ATF2: variants seen among roughly 807,000 people sequenced by gnomAD.
ATF2 encodes the protein cyclic AMP-dependent transcription factor ATF-2.
ATF2 carries 24 observed loss-of-function variants against 60.6 expected under a neutral mutation model. The observed-to-expected ratio is 0.40, with a 90% CI of 0.29 to 0.56. The LOEUF (loss-of-function observed/expected upper bound fraction) is 0.56, where lower values mean the gene tolerates loss of function less well. Ranked by LOEUF, ATF2 falls within the 20% of genes least tolerant of loss-of-function variation. The pLI is 0.54. For missense variants in ATF2, 433 were observed against 607.7 expected (o/e 0.71, Z 3.02); for synonymous variants, 206 against 215.4 (o/e 0.96, Z 0.38).
At chr2:175,150,484 A>G (rs1239349797) in intron 2 of ATF2, among the ~76,000 whole-genome samples, 1 of 152,168 alleles carries the variant, frequency 6.6e-6, no homozygotes, top group African/African-American at 2.4e-5. Flanking sequence ...TTATACTCTA[A>G]TATCACCATT....
At chr2:175,154,692 T>C (rs550427084) in intron 1 of ATF2, among the ~76,000 whole-genome samples, 4 of 152,316 alleles carry the variant, frequency 2.6e-5, no homozygotes, top group African/African-American at 9.6e-5. Flanking sequence ...GTGAGTAATG[T>C]GTTATACTAT....
chr2:175,167,862 C>T lies in ATF2; in HGVS notation c.-143+188G>A, dbSNP rs1236674516. The T allele has an allele frequency of 4.8e-5, 19 of 396,562 alleles. No homozygotes were observed. In the Admixed American group the frequency reaches 5.2e-4, roughly 11 times the overall value. 24.6% of individuals were successfully genotyped at this position (396,562 alleles called of 1,614,324 possible). On this transcript the variant is annotated intron_variant, in intron 1 of 13. Coordinates refer to ENST00000264110, the MANE Select transcript of ATF2 (RefSeq NM_001880.4). ...GCCAGTCAGGTTCCCAAAGCCCACA[C>T]CGCGCGGGCCGCCGAGGTGGCAGCA... is the stretch of plus-strand genomic sequence containing the variant.
intron 2 of ATF2, among the ~76,000 whole-genome samples, chr2:175,142,716 A>AGTGTGT (rs1451684943): frequency 1.1e-3 from 130 of 120,814 alleles, no homozygotes; most frequent in East Asian, 5.6e-3. Flanking sequence ...AGAGAGAGAG[A>AGTGTGT]GAGAGTGTGT....
At chr2:175,099,142 C>T (rs540398743) in intron 10 of ATF2, among the ~76,000 whole-genome samples, 3 of 140,080 alleles carry the variant, frequency 2.1e-5, no homozygotes, top group East Asian at 4.1e-4. Context: ...TCTCGCCTGT[C>T]GCCCAGGCTG....
intron 10 of ATF2, among the ~76,000 whole-genome samples, chr2:175,104,813 G>T (rs970100881): frequency 1.4e-5 from 2 of 139,470 alleles, no homozygotes; most frequent in African/African-American, 3.0e-5. Flanking sequence ...GGTATTTTAC[G>T]TTCTACAAGT....
intron 13 of ATF2, among the ~76,000 whole-genome samples, chr2:175,079,555 A>G (rs1174117373): frequency 1.3e-5 from 2 of 152,138 alleles, no homozygotes; most frequent in Admixed American, 1.3e-4. Flanking sequence ...AGCAAGATTT[A>G]TATGCTCAAA....
chr2:175,079,196 A>G (rs2105532154), intron 13 of ATF2, among the ~76,000 whole-genome samples: 1 of 152,316 alleles, frequency 6.6e-6, no homozygotes, highest in East Asian at 1.9e-4. Context: ...TAATAGAGTC[A>G]AAACTGTTGG....
rs368309738 is a variant in ATF2 at position 175,118,147 on chromosome 2, A to G, written c.319-29T>C. ...TAATTCAAATAATAAGGAAAAGGTT[A>G]TAAGTTCAAAAACAGTGTGTCTAAA... On this transcript the variant is annotated intron_variant, in intron 6 of 13. Transcript: ENST00000264110. The G allele has an allele frequency of 3.1e-5, 50 of 1,604,288 alleles. No individual in the cohort carries two copies. The African/African-American group carries it at 3.2e-4, about 10-fold the overall frequency.
intron 13 of ATF2, among the ~76,000 whole-genome samples, chr2:175,076,197 A>T (rs757967586): frequency 6.6e-6 from 1 of 152,098 alleles, no homozygotes; most frequent in Non-Finnish European, 1.5e-5. Context: ...TTTTTACAGA[A>T]TTTTTCAACA....
chr2:175,163,186 C>CAAATAA (rs1700133136), intron 1 of ATF2, among the ~76,000 whole-genome samples: 1 of 1,976 alleles, frequency 5.1e-4, no homozygotes, highest in African/African-American at 1.1e-3. Context: ...TAAATAAATG[C>CAAATAA]AAGCAAACAT....
intron 4 of ATF2, chr2:175,126,949 G>A (rs898146815): frequency 5.9e-5 from 9 of 152,186 alleles, no homozygotes; most frequent in African/African-American, 2.2e-4. Flanking sequence ...AAAGTAAAGT[G>A]GGTCAGGCGA....
chr2:175,162,843 A>G (rs183443292), intron 1 of ATF2, among the ~76,000 whole-genome samples: 147 of 152,296 alleles, frequency 9.7e-4, no homozygotes, highest in Middle Eastern at 6.8e-3. Flanking sequence ...CGTTTAATAA[A>G]TAAAAGCAGG....
At chr2:175,114,607 G>C in intron 8 of ATF2, 83 bp downstream of exon 8, 3 of 1,533,290 alleles carry the variant, frequency 2.0e-6, no homozygotes, top group Non-Finnish European at 2.6e-6. Flanking sequence ...ATCTTAGTTT[G>C]AATAATCAAA....
At position 175,072,908 on chromosome 2, in the gene ATF2, G is replaced by A. The variant is rs1693032950; in HGVS notation, c.*1701C>T. ...ATATAATTTGAATGTTTCCCAGTTTGGAACTTAGGCAGGAGGGATATTTCC... is the reference window on the plus strand; with the variant it reads ...ATATAATTTGAATGTTTCCCAGTTTAGAACTTAGGCAGGAGGGATATTTCC... On this transcript the variant is annotated 3_prime_UTR_variant, in exon 14 of 14. Transcript: ENST00000264110. 1 of 152,196 alleles carries A rather than the reference G, an allele frequency of 6.6e-6. No homozygotes were observed. Among genetic ancestry groups the A allele is most frequent in the Non-Finnish European group, 1.5e-5 (1 of 67,986 alleles). 9.4% of individuals were successfully genotyped at this position (152,196 alleles called of 1,614,324 possible). A position where few individuals can be genotyped will look rare whatever the true frequency, so the allele number is the denominator to read the frequency against.
intron 5 of ATF2, among the ~76,000 whole-genome samples, chr2:175,118,991 C>CAAT (rs1696769235): frequency 6.6e-6 from 1 of 151,656 alleles, no homozygotes; most frequent in Non-Finnish European, 1.5e-5. Context: ...GTGTGAGTCA[C>CAAT]ATGCCTCCAG....
chr2:175,147,667 T>G (rs1274877787), intron 2 of ATF2, among the ~76,000 whole-genome samples: 2 of 152,220 alleles, frequency 1.3e-5, no homozygotes, highest in Non-Finnish European at 1.5e-5. Context: ...TAAAAGTTGC[T>G]TGATGTTACC....
At chr2:175,099,948 G>C (rs1445278089) in intron 10 of ATF2, among the ~76,000 whole-genome samples, 1 of 152,220 alleles carries the variant, frequency 6.6e-6, no homozygotes, top group African/African-American at 2.4e-5. Context: ...AGGATTTAGA[G>C]TGCCAAACCT....
At chr2:175,094,115 G>A (rs764770787) in intron 11 of ATF2, among the ~76,000 whole-genome samples, 39 of 152,076 alleles carry the variant, frequency 2.6e-4, no homozygotes, top group Non-Finnish European at 3.8e-4. Context: ...ACTCTTGGCC[G>A]GGCGTGGTGG....
chr2:175,156,377 C>CAAAAA (rs57399474), intron 1 of ATF2, among the ~76,000 whole-genome samples: 2 of 55,982 alleles, frequency 3.6e-5, no homozygotes, highest in Non-Finnish European at 7.3e-5. Context: ...TCTCAAAAAA[C>CAAAAA]AAAAAAAAAA....
Sources: gnomAD v4.1 joint callset for allele counts (sites outside exome capture counted in the v4.1 genomes callset) on GRCh38, gnomAD v4.1.1 for gene constraint, MANE v1.5 for transcripts, NCBI Gene and HGNC (gene_info 2026-07-23, HGNC 2026-07-21) for gene names.